P4HA3: variants seen among roughly 807,000 people sequenced by gnomAD.
P4HA3 encodes prolyl 4-hydroxylase subunit alpha 3.
P4HA3 carries 60 observed loss-of-function variants against 66.7 expected under a neutral mutation model. The ratio of observed to expected loss-of-function variants is 0.90; its 90% CI spans 0.73 to 1.12. The LOEUF is 1.12. Among genes scored for constraint, P4HA3 ranks in the 50% most tolerant of loss-of-function variants. The pLI is 0.00. For missense variants in P4HA3, 683 were observed against 685.8 expected (o/e 1.00, Z 0.05); for synonymous variants, 263 against 274.6 (o/e 0.96, Z 0.42).
chr11:74,306,063 G>A (rs1174038223), intron 1 of P4HA3, among the ~76,000 whole-genome samples: 2 of 152,088 alleles, frequency 1.3e-5, no homozygotes, highest in Non-Finnish European at 2.9e-5. Context: ...GTGAGAGGGT[G>A]GGGAGGAGGC....
In P4HA3 at chr11:74,311,593, G is replaced by T. The variant is rs1861755449; in HGVS notation, c.19C>A (p.Leu7Met). 2 of 1,535,548 alleles carry T rather than the reference G, an allele frequency of 1.3e-6. No homozygotes were observed. The highest frequency in any genetic ancestry group is 5.2e-5 in the East Asian group (2 of 38,178). MGPGAR[L>M]AALLAVLALG... is the part of the protein sequence containing the mutation. The stretch of plus-strand genomic sequence containing the variant: ...GCCAGCACCGCCAGCAGCGCCGCCA[G>T]CCGCGCCCCAGGACCCATAGCCAGC... Residue 7 changes from leucine (L) to methionine (M), a missense_variant, in exon 1 of 13, where the codon CTG (leucine) becomes ATG (methionine). Leu to Met is a conservative substitution (Grantham distance 15). Coordinates refer to ENST00000331597, the MANE Select transcript of P4HA3 (RefSeq NM_182904.5).
At position 74,268,174 on chromosome 11, in the gene P4HA3, C is replaced by A; in HGVS notation, c.1535G>T (p.Gly512Val). ...CTTATCTCCCACCAGGACAGGACAG[C>A]CAGCATGAAGTGTGTCACTGTCCCC... The part of the protein sequence containing the change: ...GEGDSDTLHA[G>V]CPVLVGDKWV... Residue 512 changes from glycine (G) to valine (V), a missense_variant, in exon 12 of 13, where the codon GGC (glycine) becomes GTC (valine). Coordinates refer to ENST00000331597, the MANE Select transcript of P4HA3 (RefSeq NM_182904.5). The A allele has an allele frequency of 6.2e-7, 1 of 1,614,094 alleles. No homozygotes were observed. Among genetic ancestry groups the A allele is most frequent in the Non-Finnish European group, 8.5e-7 (1 of 1,179,948 alleles).
chr11:74,251,925 T>C lies in P4HA3; in HGVS notation c.*1319-3924A>G, dbSNP rs369536771. 7.8e-5 allele frequency: 58 copies of C among 746,502 alleles called. No homozygotes were observed. In the Middle Eastern group the frequency reaches 8.4e-4, roughly 11 times the overall value. The allele number at this position is 746,502 out of a possible 1,614,324, so 46.2% of individuals were successfully genotyped here. A position where few individuals can be genotyped will look rare whatever the true frequency, so the allele number is the denominator to read the frequency against. ...GTGCTGTGCTCCCACGGGTTGATGC[T>C]GAGGCTGTGATTAAATTGTGCCTAG... On this transcript the variant is annotated intron_variant and NMD_transcript_variant, in intron 15 of 15. Coordinates refer to the P4HA3 transcript ENST00000524388.
chr11:74,274,674 A>G (rs1251566838), intron 9 of P4HA3, among the ~76,000 whole-genome samples: 1 of 152,188 alleles, frequency 6.6e-6, no homozygotes, highest in Non-Finnish European at 1.5e-5. Flanking sequence ...GTTTGTAGAG[A>G]CATATTTTCT....
chr11:74,276,464 G>C (rs1422590099), intron 9 of P4HA3, among the ~76,000 whole-genome samples: 2 of 151,962 alleles, frequency 1.3e-5, no homozygotes, highest in Non-Finnish European at 2.9e-5. Context: ...GAGATGGGGG[G>C]ATCACTTAGC....
At chr11:74,254,408 C>G (rs1859782387) in intron 15 of P4HA3, 1 of 152,944 alleles carries the variant, frequency 6.5e-6, no homozygotes, top group South Asian at 2.1e-4. Flanking sequence ...TTTCACATCA[C>G]TCCACACAGA....
Position 74,285,929 on chromosome 11 carries a change from G to T in P4HA3, c.990C>A (p.Ala330=), listed in dbSNP as rs1860780380. ...LYCSYETNSN[A]YLLLQPIRKE... is the part of the protein sequence containing the mutation. ...TCCGGATGGGCTGGAGCAGCAGGTA[G>T]GCGTTGGAATTGGTCTCATAGGAAC... is the stretch of plus-strand genomic sequence containing the variant. The change falls in exon 7 of 13, where the codon GCC becomes GCA. Residue 330 remains alanine (A), a synonymous_variant. Transcript: ENST00000331597. 1 of 1,611,956 alleles carries T rather than the reference G, an allele frequency of 6.2e-7. No individual in the cohort carries two copies. The highest frequency in any genetic ancestry group is 8.5e-7 in the Non-Finnish European group (1 of 1,178,058).
intron 7 of P4HA3, among the ~76,000 whole-genome samples, chr11:74,280,744 C>T (rs1002117008): frequency 2.0e-5 from 3 of 152,208 alleles, no homozygotes; most frequent in Admixed American, 2.0e-4. Context: ...TGGTGCTTCA[C>T]AGGCAGGCAG....
At chr11:74,273,500 G>A (rs1860277084) in intron 10 of P4HA3, 45 bp downstream of exon 10, 1 of 1,365,686 alleles carries the variant, frequency 7.3e-7, no homozygotes, top group Non-Finnish European at 9.7e-7. Context: ...AAATAAAGTA[G>A]AGCTATAGTC....
At chr11:74,271,689 C>G (rs2135707498) in intron 10 of P4HA3, among the ~76,000 whole-genome samples, 1 of 152,236 alleles carries the variant, frequency 6.6e-6, no homozygotes. Context: ...CCAATCTGAG[C>G]AGAAAATCAC....
At chr11:74,310,639 C>T (rs901183335) in intron 1 of P4HA3, among the ~76,000 whole-genome samples, 4 of 152,262 alleles carry the variant, frequency 2.6e-5, no homozygotes, top group African/African-American at 9.6e-5. Flanking sequence ...TTTATCCCCA[C>T]TGCCTGGAAC....
At chr11:74,274,448 G>C (rs1860324190) in intron 9 of P4HA3, among the ~76,000 whole-genome samples, 1 of 151,696 alleles carries the variant, frequency 6.6e-6, no homozygotes. Flanking sequence ...TGGGACTACA[G>C]GCGCCTGCCA....
At chr11:74,267,739 T>C (rs988094803) in intron 12 of P4HA3, among the ~76,000 whole-genome samples, 1 of 152,210 alleles carries the variant, frequency 6.6e-6, no homozygotes, top group African/African-American at 2.4e-5. Flanking sequence ...TGCTCCTGGA[T>C]GTATATGTGA....
At chr11:74,300,744 T>C (rs1465864827) in intron 3 of P4HA3, among the ~76,000 whole-genome samples, 2 of 152,242 alleles carry the variant, frequency 1.3e-5, no homozygotes, top group African/African-American at 4.8e-5. Context: ...AAGCTTATTC[T>C]GTGAGTTGGC....
chr11:74,269,892 G>C (rs1860132770), intron 10 of P4HA3, among the ~76,000 whole-genome samples, 172 bp from the exon 11 acceptor site: 1 of 152,176 alleles, frequency 6.6e-6, no homozygotes, highest in African/African-American at 2.4e-5. Context: ...CTACTCAATG[G>C]CATTGGTGTT....
At position 74,267,086 on chromosome 11, in the gene P4HA3, T is replaced by C; in HGVS notation, c.*162A>G. On this transcript the variant is annotated 3_prime_UTR_variant, in exon 13 of 13. Coordinates refer to ENST00000331597, the MANE Select transcript of P4HA3 (RefSeq NM_182904.5). The stretch of plus-strand genomic sequence containing the variant: ...TCAAATGTACATTCTCAGTGTCCCC[T>C]GGTAACAACCTCTCCCTTGCCTCTG... The C allele has an allele frequency of 1.3e-6, 2 of 1,538,562 alleles. No individual in the cohort carries two copies. The highest frequency in any genetic ancestry group is 1.4e-5 in the African/African-American group (1 of 73,328).
In P4HA3 at chr11:74,311,438, C is replaced by T; in HGVS notation, c.174G>A (p.Glu58=). ...LGLLRRYLRG[E]EARLRDLTRF... ...TAGTCAGGTCCCGCAGCCGCGCCTC[C>T]TCCCCGCGCAGGTACCGCCTCAGCA... The change falls in exon 1 of 13, where the codon GAG becomes GAA. Residue 58 remains glutamate, a synonymous_variant. Coordinates refer to ENST00000331597, the MANE Select transcript of P4HA3 (RefSeq NM_182904.5). The T allele has an allele frequency of 6.5e-7, 1 of 1,536,806 alleles. No individual in the cohort carries two copies. Among genetic ancestry groups the T allele is most frequent in the Non-Finnish European group, 8.7e-7 (1 of 1,148,948 alleles).
rs1302745830 is a variant in P4HA3 at position 74,289,203 on chromosome 11, T to TC, written c.718-74_718-73insG. 4 of 1,100,988 alleles carry TC rather than the reference T, an allele frequency of 3.6e-6. No homozygotes were observed. In the African/African-American group the frequency reaches 9.4e-5, roughly 26 times the overall value. The allele number at this position is 1,100,988 out of a possible 1,614,324, so 68.2% of individuals were successfully genotyped here. A position where few individuals can be genotyped will look rare whatever the true frequency, so the allele number is the denominator to read the frequency against. On this transcript the variant is annotated intron_variant, in intron 4 of 12. Coordinates refer to ENST00000331597, the MANE Select transcript of P4HA3 (RefSeq NM_182904.5). ...TATCTCTTCTGAACAAACCATTAAA[T>TC]TAAAAAAAAAAAAAGATAAAATATT... is the stretch of plus-strand genomic sequence containing the variant.
In P4HA3 at chr11:74,305,027, G is replaced by A. The variant is rs376934829; in HGVS notation, c.201-615C>T. Reference sequence around the variant, plus strand: ...CACGCTCCTATGAGAATCTAATGCCGTGGCTGATCTGACAGGAGGTGGAGC... The same window carrying A: ...CACGCTCCTATGAGAATCTAATGCCATGGCTGATCTGACAGGAGGTGGAGC... On this transcript the variant is annotated intron_variant, in intron 1 of 12. Coordinates refer to ENST00000331597, the MANE Select transcript of P4HA3 (RefSeq NM_182904.5). Among the ~76,000 whole-genome samples, 424 of 152,208 alleles carry A rather than the reference G, an allele frequency of 2.8e-3. 25 individuals are homozygous for A. The South Asian group carries it at 0.084, about 30-fold the overall frequency.
Sources: allele counts gnomAD v4.1 joint callset (sites outside exome capture counted in the v4.1 genomes callset), GRCh38; gene constraint gnomAD v4.1.1; transcripts MANE v1.5; gene names NCBI Gene and HGNC (gene_info 2026-07-23, HGNC 2026-07-21).